SLC14A2: variants seen among roughly 807,000 people sequenced by gnomAD.
SLC14A2 encodes urea transporter 2.
SLC14A2 carries 91 observed loss-of-function variants against 104.6 expected under a neutral mutation model. That is an observed-to-expected ratio of 0.87 (90% confidence interval 0.73 to 1.04). The LOEUF is 1.04. Among genes scored for constraint, SLC14A2 ranks in the 50% least tolerant of loss-of-function variants. The probability of loss-of-function intolerance (pLI) is 0.00; values close to 1 mark genes in which losing one functional copy is unlikely to be tolerated. For synonymous variants in SLC14A2, 476 were observed against 466.4 expected (o/e 1.02, Z -0.27); for missense variants, 1,189 against 1,156.0 (o/e 1.03, Z -0.41).
At chr18:45,277,960 TC>T (rs1306037066) in intron 1 of SLC14A2, among the ~76,000 whole-genome samples, 1 of 152,022 alleles carries the variant, frequency 6.6e-6, no homozygotes, top group African/African-American at 2.4e-5. Flanking sequence ...TTACTCCACC[TC>T]CCCCTCCATG....
At chr18:45,182,271 T>C in the SLC14A2 span, among the ~76,000 whole-genome samples, 9 of 151,732 alleles carry the variant, frequency 5.9e-5, no homozygotes, top group Non-Finnish European at 1.0e-4. Context: ...CTTAGGAAAA[T>C]TGAATCAGGA....
chr18:45,631,760 T>G (rs1238072019), intron 4 of SLC14A2, among the ~76,000 whole-genome samples: 3 of 152,206 alleles, frequency 2.0e-5, no homozygotes, highest in Non-Finnish European at 4.4e-5. Flanking sequence ...TAGCTGGGAC[T>G]ACAGGCATGC....
chr18:45,562,796 G>C (rs772881668), intron 2 of SLC14A2, among the ~76,000 whole-genome samples: 25 of 152,276 alleles, frequency 1.6e-4, no homozygotes, highest in South Asian at 1.0e-3. Context: ...ATTCTCCCTG[G>C]GGGGAAGGGG....
the SLC14A2 span, among the ~76,000 whole-genome samples, chr18:45,202,335 A>T: frequency 6.6e-6 from 1 of 152,180 alleles, no homozygotes; most frequent in African/African-American, 2.4e-5. Flanking sequence ...GATCCTTAGG[A>T]TAAAGTCATA....
upstream of SLC14A2, among the ~76,000 whole-genome samples, chr18:45,210,883 T>A (rs1363676982): frequency 2.0e-5 from 3 of 152,250 alleles, no homozygotes; most frequent in Non-Finnish European, 2.9e-5. Context: ...TTAGGCTTTA[T>A]TAACACTACT....
At chr18:45,536,726 C>G (rs968155361) in intron 2 of SLC14A2, among the ~76,000 whole-genome samples, 1 of 151,908 alleles carries the variant, frequency 6.6e-6, no homozygotes, top group African/African-American at 2.4e-5. Flanking sequence ...CATGACAAAG[C>G]AAAAAAAGCT....
chr18:45,458,556 G>T (rs1214098970), intron 1 of SLC14A2, among the ~76,000 whole-genome samples: 2 of 152,286 alleles, frequency 1.3e-5, no homozygotes, highest in South Asian at 2.1e-4. Context: ...TGCTTGAAAT[G>T]ATTAGCTATT....
At chr18:45,202,693 G>A in the SLC14A2 span, among the ~76,000 whole-genome samples, 1 of 152,106 alleles carries the variant, frequency 6.6e-6, no homozygotes, top group Non-Finnish European at 1.5e-5. Flanking sequence ...AAGGGGATCA[G>A]ATTCTATGGG....
chr18:45,473,837 G>A (rs1384936679), intron 1 of SLC14A2, among the ~76,000 whole-genome samples: 3 of 152,144 alleles, frequency 2.0e-5, no homozygotes, highest in Non-Finnish European at 4.4e-5. Flanking sequence ...GAAACAATTT[G>A]ACTTCCTCTC....
chr18:45,658,855 C>T (rs1054586118), intron 10 of SLC14A2, among the ~76,000 whole-genome samples: 7 of 152,112 alleles, frequency 4.6e-5, no homozygotes, highest in African/African-American at 1.7e-4. Flanking sequence ...AGGATCACTA[C>T]TCCCAAGGAA....
intron 1 of SLC14A2, among the ~76,000 whole-genome samples, chr18:45,441,540 C>T (rs1907487195): frequency 6.6e-6 from 1 of 152,162 alleles, no homozygotes; most frequent in Non-Finnish European, 1.5e-5. Flanking sequence ...ACAAGGAGGC[C>T]TAGGAGGAAT....
At chr18:45,613,917 T>G (rs1238608688), upstream of SLC14A2, among the ~76,000 whole-genome samples, 1 of 152,150 alleles carries the variant, frequency 6.6e-6, no homozygotes, top group African/African-American at 2.4e-5. Context: ...TGGGGAGAAA[T>G]TCAAGCTGGC....
intron 1 of SLC14A2, among the ~76,000 whole-genome samples, chr18:45,306,506 G>A (rs142009422): frequency 3.3e-5 from 5 of 152,304 alleles, no homozygotes; most frequent in Non-Finnish European, 7.3e-5. Context: ...GAGACTGATA[G>A]TATTCCAATA....
chr18:45,185,235 G>A, the SLC14A2 span, among the ~76,000 whole-genome samples: 2 of 152,102 alleles, frequency 1.3e-5, no homozygotes, highest in East Asian at 3.9e-4. Context: ...TTGTCTCAAG[G>A]GTCAAAGGAT....
intron 2 of SLC14A2, among the ~76,000 whole-genome samples, chr18:45,535,314 G>A (rs954846569): frequency 3.3e-5 from 5 of 152,152 alleles, no homozygotes; most frequent in Non-Finnish European, 5.9e-5. Flanking sequence ...TGAGCTGAAT[G>A]TGACAAATAG....
chr18:45,494,323 C>T (rs896874834), intron 2 of SLC14A2, among the ~76,000 whole-genome samples: 6 of 152,250 alleles, frequency 3.9e-5, no homozygotes, highest in Admixed American at 3.9e-4. Flanking sequence ...CACTCATCAT[C>T]AACCCTGACA....
intron 1 of SLC14A2, among the ~76,000 whole-genome samples, chr18:45,271,903 A>C (rs1208365898): frequency 6.6e-6 from 1 of 152,182 alleles, no homozygotes; most frequent in Admixed American, 6.6e-5. Flanking sequence ...AAATTATACT[A>C]CAGAGCTATA....
At chr18:45,280,657 C>T (rs1240695088) in intron 1 of SLC14A2, among the ~76,000 whole-genome samples, 1 of 152,096 alleles carries the variant, frequency 6.6e-6, no homozygotes, top group Non-Finnish European at 1.5e-5. Flanking sequence ...CTCAGCCCTC[C>T]TGGAGGCATT....
chr18:45,517,123 G>C (rs550872067), intron 2 of SLC14A2, among the ~76,000 whole-genome samples: 3 of 152,172 alleles, frequency 2.0e-5, no homozygotes, highest in Non-Finnish European at 4.4e-5. Context: ...ACAACTCACC[G>C]AAGGACACAG....
Sources: allele counts gnomAD v4.1 joint callset (sites outside exome capture counted in the v4.1 genomes callset), GRCh38; gene constraint gnomAD v4.1.1; transcripts MANE v1.5; gene names NCBI Gene and HGNC (gene_info 2026-07-23, HGNC 2026-07-21).